RALYL: variants seen among roughly 807,000 people sequenced by gnomAD.
The protein encoded by RALYL is RALY RNA binding protein like.
RALYL carries 29 observed loss-of-function variants against 35.1 expected under a neutral mutation model. The ratio of observed to expected loss-of-function variants is 0.83; its 90% CI spans 0.61 to 1.13. The LOEUF is 1.13. RALYL is among the 50% of genes most tolerant of loss of function. The probability of loss-of-function intolerance (pLI) is 0.00; values close to 1 mark genes in which losing one functional copy is unlikely to be tolerated. For synonymous variants in RALYL, 120 were observed against 127.6 expected (o/e 0.94, Z 0.40); for missense variants, 359 against 360.4 (o/e 1.00, Z 0.03).
At chr8:84,297,838 A>G (rs1244845528) in intron 1 of RALYL, among the ~76,000 whole-genome samples, 2 of 152,060 alleles carry the variant, frequency 1.3e-5, no homozygotes, top group Non-Finnish European at 2.9e-5. Flanking sequence ...GTTTGCGTGT[A>G]TGTCTTCTTT....
At chr8:84,440,920 G>A (rs939923164) in intron 1 of RALYL, among the ~76,000 whole-genome samples, 3 of 151,794 alleles carry the variant, frequency 2.0e-5, no homozygotes, top group African/African-American at 7.3e-5. Flanking sequence ...TTAAGTGTAT[G>A]TTTAATAATA....
At chr8:84,348,968 C>T (rs989462962) in intron 1 of RALYL, among the ~76,000 whole-genome samples, 1 of 150,074 alleles carries the variant, frequency 6.7e-6, no homozygotes, top group Non-Finnish European at 1.5e-5. Flanking sequence ...GTTATTCAGG[C>T]AACCCTGAAA....
chr8:84,327,857 A>G (rs1401311984), intron 1 of RALYL, among the ~76,000 whole-genome samples: 2 of 152,302 alleles, frequency 1.3e-5, no homozygotes, highest in East Asian at 3.9e-4. Flanking sequence ...TTTAATATAG[A>G]CTATGCTTAG....
At chr8:84,783,959 C>T (rs1818785098) in intron 3 of RALYL, among the ~76,000 whole-genome samples, 1 of 152,212 alleles carries the variant, frequency 6.6e-6, no homozygotes. Flanking sequence ...TTTCCTGCCT[C>T]CAACTCTGAA....
chr8:84,689,763 T>C (rs1837627047), intron 2 of RALYL, among the ~76,000 whole-genome samples: 1 of 152,188 alleles, frequency 6.6e-6, no homozygotes. Flanking sequence ...TTTTAATGTT[T>C]GCCATTCTAA....
At chr8:84,757,102 A>G (rs1811611591) in intron 2 of RALYL, among the ~76,000 whole-genome samples, 1 of 152,128 alleles carries the variant, frequency 6.6e-6, no homozygotes, top group East Asian at 1.9e-4. Flanking sequence ...ATATTTCTCC[A>G]TGTAGAAATA....
intron 1 of RALYL, among the ~76,000 whole-genome samples, chr8:84,470,178 T>C (rs1207098486): frequency 6.6e-6 from 1 of 152,114 alleles, no homozygotes; most frequent in Non-Finnish European, 1.5e-5. Context: ...AAAACAAGCT[T>C]TTTTATAAGT....
At chr8:84,396,110 T>C (rs1586834866) in intron 1 of RALYL, among the ~76,000 whole-genome samples, 1 of 152,032 alleles carries the variant, frequency 6.6e-6, no homozygotes, top group Non-Finnish European at 1.5e-5. Context: ...CAAAAACTTA[T>C]ATTGTTTATA....
At chr8:84,605,512 T>A (rs1251364809) in intron 2 of RALYL, among the ~76,000 whole-genome samples, 1 of 152,096 alleles carries the variant, frequency 6.6e-6, no homozygotes, top group African/African-American at 2.4e-5. Flanking sequence ...AGCCGATGAT[T>A]TGAGGAGCCT....
At chr8:84,478,145 G>T (rs578111891) in intron 1 of RALYL, among the ~76,000 whole-genome samples, 10 of 152,088 alleles carry the variant, frequency 6.6e-5, no homozygotes, top group African/African-American at 1.4e-4. Flanking sequence ...TAATATTGTA[G>T]ATTTTTTAAA....
chr8:84,861,065 GT>G (rs946174397), intron 5 of RALYL, among the ~76,000 whole-genome samples: 16 of 151,400 alleles, frequency 1.1e-4, no homozygotes, highest in South Asian at 2.1e-4. Context: ...TATAGAACTT[GT>G]TTTTTTTATT....
chr8:84,662,294 C>G (rs1234079004), intron 2 of RALYL, among the ~76,000 whole-genome samples: 1 of 152,100 alleles, frequency 6.6e-6, no homozygotes, highest in Non-Finnish European at 1.5e-5. Flanking sequence ...TTCTTGCACT[C>G]TACCACACAT....
chr8:84,585,178 T>C (rs996536258), intron 2 of RALYL, among the ~76,000 whole-genome samples: 1 of 152,176 alleles, frequency 6.6e-6, no homozygotes, highest in African/African-American at 2.4e-5. Context: ...ATCTCTCACT[T>C]TCCTTTTAAG....
At position 84,337,086 on chromosome 8, in the gene RALYL, T is replaced by C. The variant is rs201005110; in HGVS notation, c.-24+152662T>C. ...ATAACAGTTGGTTATGTATAATAAT[T>C]ATGGAAAAGGGTTAATCAAATTATT... On this transcript the variant is annotated intron_variant, in intron 1 of 8. Coordinates refer to ENST00000521268, the MANE Select transcript of RALYL (RefSeq NM_173848.7). Among the ~76,000 whole-genome samples the C allele has an allele frequency of 7.3e-5, 11 of 151,160 alleles. No individual in the cohort carries two copies. In the East Asian group the frequency reaches 1.6e-3, roughly 21 times the overall value.
chr8:84,219,715 G>T (rs570085606), intron 1 of RALYL, among the ~76,000 whole-genome samples: 1 of 151,822 alleles, frequency 6.6e-6, no homozygotes, highest in Non-Finnish European at 1.5e-5. Flanking sequence ...AATTAAAAAA[G>T]AAATTATAAT....
intron 1 of RALYL, among the ~76,000 whole-genome samples, chr8:84,527,514 A>T (rs1048999082): frequency 2.6e-5 from 4 of 152,206 alleles, no homozygotes; most frequent in Admixed American, 6.5e-5. Context: ...TGTTTCTAAA[A>T]ATATATGTCA....
chr8:84,335,006 T>C (rs73293099), intron 1 of RALYL, among the ~76,000 whole-genome samples: 7,211 of 152,222 alleles, frequency 0.047, 266 homozygotes, highest in African/African-American at 0.083. Flanking sequence ...TACTTTATCC[T>C]TCCCCTCACT....
intron 1 of RALYL, among the ~76,000 whole-genome samples, chr8:84,229,977 A>G (rs967548674): frequency 6.6e-5 from 10 of 152,170 alleles, no homozygotes; most frequent in Non-Finnish European, 2.9e-5. Context: ...AAATTGCTAA[A>G]ATAATATTTA....
At chr8:84,828,906 A>G (rs555061907) in intron 4 of RALYL, 3 of 152,806 alleles carry the variant, frequency 2.0e-5, no homozygotes, top group Non-Finnish European at 4.4e-5. Flanking sequence ...TGCTTTATAC[A>G]TTATCAAGGT....
Sources: allele counts gnomAD v4.1 joint callset (sites outside exome capture counted in the v4.1 genomes callset), GRCh38; gene constraint gnomAD v4.1.1; transcripts MANE v1.5; gene names NCBI Gene and HGNC (gene_info 2026-07-23, HGNC 2026-07-21).